The following PRKD1 variants were observed in gnomAD, a reference collection of about 807,000 sequenced individuals.
The protein encoded by PRKD1 is serine/threonine-protein kinase D1.
In PRKD1, 63 loss-of-function variants were observed where a neutral mutation model predicts 95.9. The observed-to-expected ratio is 0.66, with a 90% CI of 0.54 to 0.81. The LOEUF is 0.81. Among genes scored for constraint, PRKD1 ranks in the 30% least tolerant of loss-of-function variants. The pLI is 0.00. For missense variants in PRKD1, 1,048 were observed against 1,165.3 expected, an observed-to-expected ratio of 0.90 and a Z score of 1.47; for synonymous variants, 425 against 423.1, an observed-to-expected ratio of 1.00 and a Z score of -0.05.
At chr14:29,920,131 G>T (rs1895049887) in intron 1 of PRKD1, among the ~76,000 whole-genome samples, 1 of 151,018 alleles carries the variant, frequency 6.6e-6, no homozygotes, top group Non-Finnish European at 1.5e-5. Flanking sequence ...GAAAAGAAAA[G>T]AGAGAAGAAA....
chr14:29,607,183 A>G (rs1878043877), intron 13 of PRKD1, among the ~76,000 whole-genome samples: 1 of 152,224 alleles, frequency 6.6e-6, no homozygotes, highest in Non-Finnish European at 1.5e-5. Context: ...GATAACTGAA[A>G]GTTTACAGTA....
chr14:29,581,981 C>G (rs1259268169), intron 16 of PRKD1, among the ~76,000 whole-genome samples: 2 of 152,020 alleles, frequency 1.3e-5, no homozygotes, highest in Non-Finnish European at 2.9e-5. Context: ...AGAAGTATTC[C>G]TATGTAGCTC....
intron 13 of PRKD1, among the ~76,000 whole-genome samples, chr14:29,606,456 C>G (rs1040986952): frequency 1.3e-5 from 2 of 152,182 alleles, no homozygotes; most frequent in African/African-American, 4.8e-5. Flanking sequence ...CCCTCAAAAT[C>G]TACCAATTTT....
chr14:29,767,479 T>C (rs1449159129), intron 1 of PRKD1, among the ~76,000 whole-genome samples: 1 of 152,194 alleles, frequency 6.6e-6, no homozygotes, highest in Non-Finnish European at 1.5e-5. Flanking sequence ...CACCTCATGC[T>C]GGTCTCTCAT....
At chr14:29,825,119 C>T (rs1424911501) in intron 1 of PRKD1, among the ~76,000 whole-genome samples, 1 of 151,936 alleles carries the variant, frequency 6.6e-6, no homozygotes, top group African/African-American at 2.4e-5. Flanking sequence ...CGCCAGTTTT[C>T]CTTAATGTGG....
intron 1 of PRKD1, among the ~76,000 whole-genome samples, chr14:29,735,786 G>T (rs1235675178): frequency 6.6e-6 from 1 of 152,086 alleles, no homozygotes; most frequent in African/African-American, 2.4e-5. Flanking sequence ...CACATTTTGT[G>T]TGATGCCTCT....
intron 1 of PRKD1, among the ~76,000 whole-genome samples, chr14:29,830,247 C>G (rs1283620679): frequency 6.6e-6 from 1 of 152,126 alleles, no homozygotes; most frequent in African/African-American, 2.4e-5. Flanking sequence ...AAATCAGTAG[C>G]CATAAAGTAG....
intron 1 of PRKD1, among the ~76,000 whole-genome samples, chr14:29,755,667 A>G (rs767467130): frequency 2.0e-4 from 31 of 152,246 alleles, no homozygotes; most frequent in Non-Finnish European, 4.3e-4. Context: ...TTCCTGGCTC[A>G]TGGGTCACTG....
intron 2 of PRKD1, among the ~76,000 whole-genome samples, chr14:29,694,152 A>C (rs987903129): frequency 5.9e-5 from 9 of 152,148 alleles, no homozygotes; most frequent in African/African-American, 2.2e-4. Flanking sequence ...AGAATACTAA[A>C]ATTTATTGAA....
intron 16 of PRKD1, among the ~76,000 whole-genome samples, chr14:29,592,214 G>T (rs1893154563): frequency 6.6e-6 from 1 of 151,954 alleles, no homozygotes. Flanking sequence ...CACCGACACA[G>T]CCATAATGAT....
rs537006427 is a variant in PRKD1 at position 29,855,522 on chromosome 14, C to T, written c.264+71727G>A. On this transcript the variant is annotated intron_variant, in intron 1 of 17. Transcript: ENST00000331968. The stretch of plus-strand genomic sequence containing the variant: ...GGAACTTGCCTTGTCTCAGATGAGA[C>T]TTTGGACTGTGAACTTTGGAGTTAA... 1.5e-3 allele frequency among the ~76,000 whole-genome samples: 227 copies of T among 152,276 alleles called. 2 individuals are homozygous for T. The highest frequency in any genetic ancestry group is 1.8e-4 in the Non-Finnish European group (12 of 68,038).
chr14:29,602,548 G>C (rs527683520), intron 13 of PRKD1, among the ~76,000 whole-genome samples: 2 of 151,400 alleles, frequency 1.3e-5, no homozygotes, highest in Admixed American at 1.3e-4. Flanking sequence ...TCCTGCCTCA[G>C]CCTCCCGGGT....
At chr14:29,738,745 GCTT>G (rs916367150) in intron 1 of PRKD1, among the ~76,000 whole-genome samples, 9 of 151,324 alleles carry the variant, frequency 5.9e-5, no homozygotes, top group Non-Finnish European at 8.8e-5. Flanking sequence ...CAAGCCCAAT[GCTT>G]CTTTCTTTCT....
chr14:29,773,144 T>C (rs575727784), intron 1 of PRKD1, among the ~76,000 whole-genome samples: 1 of 152,166 alleles, frequency 6.6e-6, no homozygotes, highest in South Asian at 2.1e-4. Context: ...TAGACAACGC[T>C]TTTATACATA....
intron 2 of PRKD1, among the ~76,000 whole-genome samples, chr14:29,696,622 G>A (rs893362920): frequency 1.3e-5 from 2 of 151,928 alleles, no homozygotes; most frequent in African/African-American, 4.8e-5. Context: ...TGAATTTTAT[G>A]GTATATGAAT....
intron 1 of PRKD1, among the ~76,000 whole-genome samples, chr14:29,916,543 A>C (rs1197863462): frequency 6.6e-6 from 1 of 152,196 alleles, no homozygotes; most frequent in East Asian, 1.9e-4. Flanking sequence ...TGAAAAAGCT[A>C]CGGCTGTTTG....
intron 11 of PRKD1, among the ~76,000 whole-genome samples, chr14:29,628,557 G>A (rs746711294): frequency 2.6e-5 from 4 of 152,150 alleles, no homozygotes; most frequent in African/African-American, 4.8e-5. Flanking sequence ...CGTAAGATTC[G>A]ATTTATGCAA....
In PRKD1 at chr14:29,710,865, C is replaced by A. The variant is rs1012439075; in HGVS notation, c.403+14671G>T. Among the ~76,000 whole-genome samples the A allele has an allele frequency of 2.6e-5, 4 of 152,170 alleles. No homozygotes were observed. The East Asian group carries it at 5.8e-4, about 22-fold the overall frequency. ...ATATATATTAGGTTGATTACTGAAA[C>A]CCTTGCTAGGGTTTTATCATCTATG... On this transcript the variant is annotated intron_variant, in intron 2 of 17. Coordinates refer to ENST00000331968, the MANE Select transcript of PRKD1 (RefSeq NM_002742.3).
chr14:29,741,925 G>C (rs1886996923), intron 1 of PRKD1, among the ~76,000 whole-genome samples: 1 of 151,728 alleles, frequency 6.6e-6, no homozygotes, highest in South Asian at 2.1e-4. Flanking sequence ...TATTGTGCTA[G>C]AATCAAGCAA....
Sources: gnomAD v4.1 joint callset for allele counts (sites outside exome capture counted in the v4.1 genomes callset) on GRCh38, gnomAD v4.1.1 for gene constraint, MANE v1.5 for transcripts, NCBI Gene and HGNC (gene_info 2026-07-23, HGNC 2026-07-21) for gene names.